LOC128462377: variants seen among roughly 807,000 people sequenced by gnomAD.
chr16:89,329,674 T>A, the LOC128462377 span, among the ~76,000 whole-genome samples: 1 of 152,206 alleles, frequency 6.6e-6, no homozygotes, highest in Non-Finnish European at 1.5e-5. Flanking sequence ...TCATAAACCT[T>A]GTTTTGTGTA....
At chr16:89,396,596 C>T in the LOC128462377 span, among the ~76,000 whole-genome samples, 1 of 152,094 alleles carries the variant, frequency 6.6e-6, no homozygotes, top group African/African-American at 2.4e-5. Flanking sequence ...GATGCAGGAA[C>T]AGCGAGGAGA....
At chr16:89,381,074 G>C in the LOC128462377 span, among the ~76,000 whole-genome samples, 1 of 152,200 alleles carries the variant, frequency 6.6e-6, no homozygotes, top group Non-Finnish European at 1.5e-5. Context: ...TGTCATCCCA[G>C]CACTTTGGGA....
At chr16:89,377,220 T>G in the LOC128462377 span, among the ~76,000 whole-genome samples, 2 of 152,126 alleles carry the variant, frequency 1.3e-5, no homozygotes, top group East Asian at 1.9e-4. Context: ...TCATAGGACC[T>G]GTAAGGCTCA....
chr16:89,357,456 T>A, the LOC128462377 span, among the ~76,000 whole-genome samples: 1 of 151,596 alleles, frequency 6.6e-6, no homozygotes, highest in Non-Finnish European at 1.5e-5. Context: ...AAAAAAACAG[T>A]GTGACGATTC....
chr16:89,340,869 CAG>C, the LOC128462377 span, among the ~76,000 whole-genome samples: 2 of 152,160 alleles, frequency 1.3e-5, no homozygotes, highest in East Asian at 1.9e-4. Flanking sequence ...GCCCAATTCT[CAG>C]AGAGTCCAGA....
chr16:89,330,993 G>A, the LOC128462377 span, among the ~76,000 whole-genome samples: 12 of 152,234 alleles, frequency 7.9e-5, no homozygotes, highest in African/African-American at 2.2e-4. Flanking sequence ...TCACTTTGTC[G>A]CCCAGGCTGG....
At chr16:89,413,682 C>A in the LOC128462377 span, among the ~76,000 whole-genome samples, 1 of 152,158 alleles carries the variant, frequency 6.6e-6, no homozygotes, top group African/African-American at 2.4e-5. Flanking sequence ...AAATCCCTTA[C>A]AGACCTGCAA....
the LOC128462377 span, among the ~76,000 whole-genome samples, chr16:89,397,504 T>C: frequency 2.0e-5 from 3 of 152,214 alleles, no homozygotes; most frequent in African/African-American, 7.2e-5. Flanking sequence ...CTTGCTGCTA[T>C]CCGCGCTCCT....
the LOC128462377 span, among the ~76,000 whole-genome samples, chr16:89,355,490 T>G: frequency 6.6e-6 from 1 of 152,136 alleles, no homozygotes; most frequent in Non-Finnish European, 1.5e-5. Context: ...CATTTCAAAG[T>G]GCTCCTCAGG....
chr16:89,318,831 C>T, the LOC128462377 span, among the ~76,000 whole-genome samples: 1 of 152,240 alleles, frequency 6.6e-6, no homozygotes, highest in Non-Finnish European at 1.5e-5. Context: ...CACTGCCTGA[C>T]ACCTCCACCC....
At chr16:89,325,907 C>T in the LOC128462377 span, among the ~76,000 whole-genome samples, 73,541 of 151,954 alleles carry the variant, frequency 0.48, 18,261 homozygotes, top group Middle Eastern at 0.56. Flanking sequence ...CCCTCAAGGG[C>T]ATGAGCATGA....
the LOC128462377 span, chr16:89,395,951 C>G: frequency 4.6e-5 from 7 of 152,098 alleles, no homozygotes; most frequent in African/African-American, 1.4e-4. Flanking sequence ...GCACTGCTGC[C>G]GCACACCAGA....
the LOC128462377 span, among the ~76,000 whole-genome samples, chr16:89,363,352 C>T: frequency 3.3e-5 from 5 of 152,178 alleles, no homozygotes; most frequent in African/African-American, 1.2e-4. Flanking sequence ...ATTCAGTCTG[C>T]ATTAGGAGAT....
chr16:89,341,842 G>A, the LOC128462377 span, among the ~76,000 whole-genome samples: 12 of 150,878 alleles, frequency 8.0e-5, no homozygotes, highest in African/African-American at 2.7e-4. Context: ...GCCCACGGCG[G>A]GAGTGCTGCA....
chr16:89,377,322 G>A, the LOC128462377 span, among the ~76,000 whole-genome samples: 1 of 152,098 alleles, frequency 6.6e-6, no homozygotes, highest in African/African-American at 2.4e-5. Context: ...CATGAAAGAT[G>A]CCATCATTGT....
chr16:89,388,292 G>GTTTTTTTT, the LOC128462377 span, among the ~76,000 whole-genome samples: 3 of 61,046 alleles, frequency 4.9e-5, no homozygotes, highest in Admixed American at 3.5e-4. Context: ...CCATGAGGCT[G>GTTTTTTTT]ATTTTTTTTT....
the LOC128462377 span, among the ~76,000 whole-genome samples, chr16:89,410,625 C>T: frequency 6.6e-6 from 1 of 152,346 alleles, no homozygotes; most frequent in East Asian, 1.9e-4. Flanking sequence ...ATCCTGCTGA[C>T]GTGCTGACAC....
At chr16:89,379,137 G>A in the LOC128462377 span, among the ~76,000 whole-genome samples, 3 of 152,200 alleles carry the variant, frequency 2.0e-5, no homozygotes, top group Admixed American at 6.5e-5. Context: ...CTTCTAGAAG[G>A]TGGGGCCGGC....
chr16:89,323,282 C>T, the LOC128462377 span: 2 of 1,288,422 alleles, frequency 1.6e-6, no homozygotes, highest in Non-Finnish European at 2.0e-6. Flanking sequence ...CTACTGTGTG[C>T]AAAGCCCTTG....
Sources: gnomAD v4.1 joint callset for allele counts (sites outside exome capture counted in the v4.1 genomes callset) on GRCh38, gnomAD v4.1.1 for gene constraint, MANE v1.5 for transcripts.